The following ADCY10 variants were observed in gnomAD, a reference collection of about 807,000 sequenced individuals.
The protein encoded by ADCY10 is adenylate cyclase type 10.
ADCY10 carries 156 observed loss-of-function variants against 183.3 expected under a neutral mutation model. That is an observed-to-expected ratio of 0.85 (90% CI 0.75 to 0.97). ADCY10 has a LOEUF of 0.97. ADCY10 is among the 50% of genes least tolerant of loss of function. The pLI is 0.00. For synonymous variants in ADCY10, 645 were observed against 670.0 expected, an observed-to-expected ratio of 0.96 and a Z score of 0.58; for missense variants, 1,745 against 1,934.3, an observed-to-expected ratio of 0.90 and a Z score of 1.84.
chr1:167,840,940 A>ATT (rs377437888), intron 21 of ADCY10, among the ~76,000 whole-genome samples: 21 of 124,170 alleles, frequency 1.7e-4, no homozygotes, highest in East Asian at 1.3e-3. Context: ...GAATAAAATG[A>ATT]TTTTTTTTTT....
rs7512378 is a variant in ADCY10 at position 167,855,896 on chromosome 1, A to G, written c.2171+269T>C. 0.27 allele frequency among the ~76,000 whole-genome samples: 41,161 copies of G among 151,968 alleles called. 5,636 individuals are homozygous for G. Among genetic ancestry groups the G allele is most frequent in the African/African-American group, 0.28 (11,671 of 41,438 alleles). On this transcript the variant is annotated intron_variant, in intron 17 of 32. Transcript: ENST00000367851. Reference sequence around the variant, plus strand: ...GTGCACACCTGTAGTTCTGGTACTCAGAAAGCTGAGGCAGGAGGATGGCTT... The same window carrying G: ...GTGCACACCTGTAGTTCTGGTACTCGGAAAGCTGAGGCAGGAGGATGGCTT...
At chr1:167,874,829 A>G (rs572147885) in intron 13 of ADCY10, among the ~76,000 whole-genome samples, 44 of 152,374 alleles carry the variant, frequency 2.9e-4, no homozygotes, top group African/African-American at 8.4e-4. Context: ...GATGAATTAT[A>G]TAACATACCA....
chr1:167,820,294 T>TA, intron 30 of ADCY10: 1 of 1,299,034 alleles, frequency 7.7e-7, no homozygotes, highest in South Asian at 1.4e-5. Context: ...GCCGGCCGCC[T>TA]AGCCAAGTCT....
intron 26 of ADCY10, 78 bp downstream of exon 26, chr1:167,829,189 T>C: frequency 6.5e-7 from 1 of 1,545,730 alleles, no homozygotes; most frequent in Non-Finnish European, 8.9e-7. Context: ...GAATTTTGAA[T>C]CCTAATTGGC....
chr1:167,860,538 T>C (rs553755919), intron 15 of ADCY10, among the ~76,000 whole-genome samples: 2 of 152,288 alleles, frequency 1.3e-5, no homozygotes, highest in Middle Eastern at 3.4e-3. Context: ...TGTTAGATAA[T>C]TCAGGAAAAG....
intron 14 of ADCY10, among the ~76,000 whole-genome samples, chr1:167,862,582 A>G (rs908783257): frequency 1.3e-5 from 2 of 152,200 alleles, no homozygotes; most frequent in African/African-American, 4.8e-5. Flanking sequence ...TAAGCCATCC[A>G]TTTGTAGTAC....
intron 18 of ADCY10, among the ~76,000 whole-genome samples, chr1:167,851,064 G>T (rs963314581): frequency 2.0e-5 from 3 of 152,084 alleles, no homozygotes; most frequent in African/African-American, 7.2e-5. Context: ...CTATATCCTA[G>T]GTTCCTTCTA....
chr1:167,843,864 C>T (rs932770018), intron 21 of ADCY10, among the ~76,000 whole-genome samples: 1 of 152,226 alleles, frequency 6.6e-6, no homozygotes, highest in Non-Finnish European at 1.5e-5. Flanking sequence ...GGAGGGCACA[C>T]AGCACCTCAT....
At position 167,839,974 on chromosome 1, in the gene ADCY10, C is replaced by G. The variant is rs549354394; in HGVS notation, c.3008-2656G>C. Among the ~76,000 whole-genome samples, 4 of 151,420 alleles carry G rather than the reference C, an allele frequency of 2.6e-5. No homozygotes were observed. The East Asian group carries it at 7.7e-4, about 29-fold the overall frequency. ...GTGGCTCATCCCTATAATCCCAACA[C>G]TTTGGGAGGCTGAGGTGGGAGGATC... On this transcript the variant is annotated intron_variant, in intron 21 of 32. Transcript: ENST00000367851.
intron 9 of ADCY10, among the ~76,000 whole-genome samples, chr1:167,883,184 C>T (rs1051262161): frequency 3.9e-5 from 6 of 152,218 alleles, no homozygotes; most frequent in Admixed American, 1.3e-4. Context: ...ATTACAGGCA[C>T]GTGCCACCGC....
chr1:167,878,697 C>T, intron 11 of ADCY10, 62 bp from the exon 12 acceptor site: 3 of 1,518,598 alleles, frequency 2.0e-6, no homozygotes, highest in Non-Finnish European at 2.7e-6. Context: ...TGAATGTAAT[C>T]TGAAACATTG....
At chr1:167,842,782 T>C (rs1240785356) in intron 21 of ADCY10, among the ~76,000 whole-genome samples, 2 of 152,088 alleles carry the variant, frequency 1.3e-5, no homozygotes, top group Non-Finnish European at 2.9e-5. Context: ...TGTAACAGAG[T>C]TAAATCCTCA....
chr1:167,821,866 T>A (rs970928705), intron 30 of ADCY10, among the ~76,000 whole-genome samples, 158 bp downstream of exon 30: 1 of 152,234 alleles, frequency 6.6e-6, no homozygotes, highest in Admixed American at 6.5e-5. Flanking sequence ...GATGAACTAG[T>A]TGATCCCTAA....
At chr1:167,898,994 C>T (rs1167760002) in intron 6 of ADCY10, among the ~76,000 whole-genome samples, 19 of 152,150 alleles carry the variant, frequency 1.2e-4, no homozygotes, top group East Asian at 1.9e-4. Context: ...CACTGAACTT[C>T]GCCGCACTTG....
intron 8 of ADCY10, among the ~76,000 whole-genome samples, chr1:167,892,150 T>G (rs774451581): frequency 1.5e-4 from 23 of 152,076 alleles, no homozygotes; most frequent in Admixed American, 3.9e-4. Flanking sequence ...TTTTTGTATT[T>G]TTGTGGAGAT....
intron 18 of ADCY10, among the ~76,000 whole-genome samples, chr1:167,849,000 G>A (rs1311011362): frequency 3.3e-5 from 5 of 152,108 alleles, no homozygotes; most frequent in Non-Finnish European, 7.3e-5. Context: ...ACTCAAAAAT[G>A]TTTTGTCTCC....
chr1:167,880,554 A>G lies in ADCY10; in HGVS notation c.1076T>C (p.Leu359Pro), dbSNP rs1667804801. 6.2e-7 allele frequency: 1 copy of G among 1,614,180 alleles called. No individual in the cohort carries two copies. Among genetic ancestry groups the G allele is most frequent in the South Asian group, 1.1e-5 (1 of 91,076 alleles). ...GFPGEKVPDE[L>P]THALECAMDI... ...CATAGCACATTCCAGAGCATGAGTG[A>G]GCTCGTCAGGTACCTTTTCCCCAGG... Residue 359 changes from leucine to proline, a missense_variant, in exon 10 of 33, where the codon CTC becomes CCC. Leu to Pro is a moderately conservative substitution (Grantham distance 98). Transcript: ENST00000367851.
rs756821754 is a variant in ADCY10 at position 167,809,735 on chromosome 1, C to T, written c.4776G>A (p.Gln1592=). 2.2e-5 allele frequency: 35 copies of T among 1,614,100 alleles called. No homozygotes were observed. The highest frequency in any genetic ancestry group is 2.9e-5 in the Non-Finnish European group (34 of 1,180,002). Residue 1592 remains glutamine, a synonymous_variant, in exon 33 of 33, where the codon CAG becomes CAA. Coordinates refer to ENST00000367851, the MANE Select transcript of ADCY10 (RefSeq NM_018417.6). ...TCAGGAATTTGTTTTTTTGAAGATCCTGAATGTTTACCCTGCCTGCTACAA... is the reference window on the plus strand; with the variant it reads ...TCAGGAATTTGTTTTTTTGAAGATCTTGAATGTTTACCCTGCCTGCTACAA... ...EKIVAGRVNI[Q]DLQKNKFLMR...
chr1:167,855,690 C>G (rs543578798), intron 17 of ADCY10, among the ~76,000 whole-genome samples: 16 of 152,288 alleles, frequency 1.1e-4, no homozygotes, highest in Admixed American at 2.0e-4. Flanking sequence ...AACATCCATC[C>G]TACCAAGCAT....
Sources: gnomAD v4.1 joint callset for allele counts (sites outside exome capture counted in the v4.1 genomes callset) on GRCh38, gnomAD v4.1.1 for gene constraint, MANE v1.5 for transcripts, NCBI Gene and HGNC (gene_info 2026-07-23, HGNC 2026-07-21) for gene names.